The following ABITRAM variants were observed in gnomAD, a reference collection of about 807,000 sequenced individuals.
The protein encoded by ABITRAM is protein Abitram.
In ABITRAM, 19 loss-of-function variants were observed where a neutral mutation model predicts 22.9. That is an observed-to-expected ratio of 0.83 (90% CI 0.58 to 1.22). The LOEUF (loss-of-function observed/expected upper bound fraction) is 1.22. Among genes scored for constraint, ABITRAM ranks in the 50% most tolerant of loss-of-function variants. The pLI, the probability that ABITRAM is intolerant of heterozygous loss-of-function variation, is 0.00. For synonymous variants in ABITRAM, 70 were observed against 73.9 expected (o/e 0.95, Z 0.27); for missense variants, 215 against 220.2 (o/e 0.98, Z 0.15).
intron 3 of ABITRAM, among the ~76,000 whole-genome samples, chr9:108,950,023 CAA>C (rs145183101): frequency 4.0e-3 from 303 of 76,080 alleles, no homozygotes; most frequent in African/African-American, 0.013. Flanking sequence ...GGCTACATCT[CAA>C]AAAAAAAAAA....
In ABITRAM at chr9:108,940,215, A is replaced by G. The variant is rs1830239256; in HGVS notation, c.*529A>G. The G allele has an allele frequency of 1.3e-5, 2 of 152,618 alleles. No homozygotes were observed. Among genetic ancestry groups the G allele is most frequent in the South Asian group, 4.1e-4 (2 of 4,840 alleles). 9.5% of individuals were successfully genotyped at this position (152,618 alleles called of 1,614,324 possible). On this transcript the variant is annotated 3_prime_UTR_variant, in exon 6 of 6. Transcript: ENST00000322940. ...CATATACTCAGGTTCCAAAGGGCCA[A>G]CTGCAGGACTTGAGTTCTCACGTAT...
downstream of ABITRAM, among the ~76,000 whole-genome samples, chr9:108,941,688 C>A (rs1830257520): frequency 6.6e-6 from 1 of 152,138 alleles, no homozygotes; most frequent in East Asian, 1.9e-4. Flanking sequence ...AGATAAAGAT[C>A]ATCAGATAAG....
At chr9:108,942,470 G>C, downstream of ABITRAM, 1 of 417,276 alleles carries the variant, frequency 2.4e-6, no homozygotes, top group Non-Finnish European at 4.2e-6. Context: ...ATTCAAAATA[G>C]CTTCTTGTGG....
chr9:108,942,694 G>C (rs28361183), downstream of ABITRAM: 745 of 1,009,796 alleles, frequency 7.4e-4, 1 homozygote, highest in African/African-American at 0.011. Flanking sequence ...TTTCTGAAAA[G>C]ATAAAGGATC....
At chr9:108,942,696 T>C (rs1830276169), downstream of ABITRAM, 1 of 1,019,034 alleles carries the variant, frequency 9.8e-7, no homozygotes, top group African/African-American at 1.6e-5. Flanking sequence ...TCTGAAAAGA[T>C]AAAGGATCAT....
chr9:108,938,694 G>C (rs72607156), intron 3 of ABITRAM, among the ~76,000 whole-genome samples: 121 of 145,304 alleles, frequency 8.3e-4, no homozygotes, highest in African/African-American at 1.2e-3. Flanking sequence ...TTACAAAGGG[G>C]GGGGGGGGAA....
In ABITRAM at chr9:108,934,421, A is replaced by G. The variant is rs546925072; in HGVS notation, c.-66A>G. 28 of 1,398,416 alleles carry G rather than the reference A, an allele frequency of 2.0e-5. 1 individual carries two copies. The East Asian group carries it at 7.2e-4, about 36-fold the overall frequency. 86.6% of individuals were successfully genotyped at this position (1,398,416 alleles called of 1,614,324 possible). On this transcript the variant is annotated 5_prime_UTR_variant, in exon 1 of 6. Coordinates refer to ENST00000322940, the MANE Select transcript of ABITRAM (RefSeq NM_017832.4). The stretch of plus-strand genomic sequence containing the variant: ...CGCTGTGCGCCGGAAGAGCACGCCC[A>G]GTCCGGGCTGCGCGGAGGAAGCGCT...
chr9:108,950,453 A>T (rs947797417), intron 3 of ABITRAM: 13 of 1,532,538 alleles, frequency 8.5e-6, no homozygotes, highest in Middle Eastern at 1.8e-4. Context: ...GACAAATGAC[A>T]GCTAAACAGC....
chr9:108,938,700 G>GC (rs1173274866), intron 3 of ABITRAM, among the ~76,000 whole-genome samples: 1 of 142,236 alleles, frequency 7.0e-6, no homozygotes, highest in African/African-American at 2.5e-5. Flanking sequence ...AGGGGGGGGG[G>GC]GGAAAGAACA....
At chr9:108,949,614 C>T (rs939835013) in intron 3 of ABITRAM, among the ~76,000 whole-genome samples, 5 of 151,996 alleles carry the variant, frequency 3.3e-5, no homozygotes, top group Admixed American at 1.3e-4. Flanking sequence ...GAGGCTGAGG[C>T]GGGCAGATCA....
chr9:108,943,192 T>A, downstream of ABITRAM: 1 of 726,008 alleles, frequency 1.4e-6, no homozygotes. Context: ...ATGAGCTGAC[T>A]CAAAGCCCCA....
chr9:108,935,852 A>C, intron 2 of ABITRAM, 163 bp downstream of exon 2: 1 of 591,922 alleles, frequency 1.7e-6, no homozygotes, highest in Non-Finnish European at 3.0e-6. Flanking sequence ...TTTGTTTGGC[A>C]AGAATGAGTA....
Position 108,948,210 on chromosome 9 carries a change from G to A in ABITRAM, c.262-2297G>A, listed in dbSNP as rs529310507. 68 of 1,612,028 alleles carry A rather than the reference G, an allele frequency of 4.2e-5. No individual in the cohort carries two copies. The Admixed American group carries it at 7.1e-4, about 17-fold the overall frequency. On this transcript the variant is annotated intron_variant, in intron 3 of 3. Transcript: ENST00000374624. ...CCTCTAGTTGATGAATTAAATCCTG[G>A]GAAGTTTTCAGTGGCCCCTCTCCTC...
downstream of ABITRAM, among the ~76,000 whole-genome samples, chr9:108,941,506 C>A (rs1830255088): frequency 6.6e-6 from 1 of 152,116 alleles, no homozygotes; most frequent in Non-Finnish European, 1.5e-5. Flanking sequence ...ATGATTTTGA[C>A]TGTTTAAGGA....
At chr9:108,936,535 CA>C (rs1204791544) in intron 3 of ABITRAM, 98 bp downstream of exon 3, 1 of 1,333,584 alleles carries the variant, frequency 7.5e-7, no homozygotes, top group Non-Finnish European at 1.0e-6. Flanking sequence ...ATATGCTTAG[CA>C]TACTTCTCTA....
Position 108,936,405 on chromosome 9 carries a change from C to A in ABITRAM, c.229C>A (p.Leu77Ile), listed in dbSNP as rs1420302856. 6.2e-7 allele frequency: 1 copy of A among 1,613,706 alleles called. No homozygotes were observed. ...SYQISTNCSR[L>I]QNKVSGKFKR... ...TCAGATCAGTACCAACTGTAGCAGA[C>A]TTCAGAACAAGGTCTCTGGGAAATT... is the stretch of plus-strand genomic sequence containing the variant. Residue 77 changes from leucine (L) to isoleucine (I), a missense_variant, in exon 3 of 6, where the codon CTT (leucine) becomes ATT (isoleucine). Transcript: ENST00000322940.
At chr9:108,942,631 G>C (rs1222226704), downstream of ABITRAM, 3 of 635,552 alleles carry the variant, frequency 4.7e-6, no homozygotes, top group East Asian at 8.3e-5. Context: ...TCAGTTTCAT[G>C]ATCAGAAAAT....
In ABITRAM at chr9:108,934,442, G is replaced by A. The variant is rs773066761; in HGVS notation, c.-45G>A. ...GCCCAGTCCGGGCTGCGCGGAGGAA[G>A]CGCTGGGGTCCCGGAGGGCGGGGGT... On this transcript the variant is annotated 5_prime_UTR_variant, in exon 1 of 6. Transcript: ENST00000322940. The A allele has an allele frequency of 6.5e-7, 1 of 1,542,764 alleles. No individual in the cohort carries two copies.
downstream of ABITRAM, chr9:108,942,465 A>G (rs1830270071): frequency 2.4e-6 from 1 of 409,264 alleles, no homozygotes; most frequent in Admixed American, 4.1e-5. Context: ...CACATATTCA[A>G]AATAGCTTCT....
Sources: allele counts gnomAD v4.1 joint callset (sites outside exome capture counted in the v4.1 genomes callset), GRCh38; gene constraint gnomAD v4.1.1; transcripts MANE v1.5; gene names NCBI Gene and HGNC (gene_info 2026-07-23, HGNC 2026-07-21).